Variants in SPATA9 observed in about 807,000 individuals in gnomAD.
SPATA9 encodes the protein spermatogenesis associated 9.
Under a neutral mutation model 25.5 loss-of-function variants are expected in SPATA9, and 27 were observed. The observed-to-expected ratio is 1.06, with a 90% confidence interval of 0.78 to 1.46. SPATA9 has a LOEUF of 1.46. Among genes scored for constraint, SPATA9 ranks in the 40% most tolerant of loss-of-function variants. The pLI, the probability that SPATA9 is intolerant of heterozygous loss-of-function variation, is 0.00. For missense variants in SPATA9, 282 were observed against 297.5 expected (o/e 0.95, Z 0.38); for synonymous variants, 102 against 105.7 (o/e 0.97, Z 0.21).
chr5:95,711,216 A>AT, the SPATA9 span, among the ~76,000 whole-genome samples: 1 of 152,132 alleles, frequency 6.6e-6, no homozygotes, highest in African/African-American at 2.4e-5. Flanking sequence ...GGTAGAGGAA[A>AT]AGACCTTCTC....
the SPATA9 span, among the ~76,000 whole-genome samples, chr5:95,710,062 G>A: frequency 6.6e-6 from 1 of 152,266 alleles, no homozygotes; most frequent in Non-Finnish European, 1.5e-5. Context: ...GCCTGAGTGA[G>A]GGCCATCAAT....
intron 1 of SPATA9, among the ~76,000 whole-genome samples, chr5:95,693,409 T>C (rs539565867): frequency 2.0e-5 from 3 of 152,360 alleles, no homozygotes; most frequent in African/African-American, 7.2e-5. Context: ...TGAATTATAA[T>C]TATATGCAAC....
chr5:95,657,139 C>A (rs958768241), downstream of SPATA9: 1 of 152,048 alleles, frequency 6.6e-6, no homozygotes, highest in Admixed American at 6.6e-5. Flanking sequence ...TTTTTAAAAA[C>A]GTTTTAGAAC....
chr5:95,709,761 T>C, the SPATA9 span, among the ~76,000 whole-genome samples: 1 of 152,216 alleles, frequency 6.6e-6, no homozygotes, highest in Non-Finnish European at 1.5e-5. Context: ...GTGGTTTTAC[T>C]TCTGTAAAGT....
At chr5:95,717,377 C>T in the SPATA9 span, among the ~76,000 whole-genome samples, 1 of 152,134 alleles carries the variant, frequency 6.6e-6, no homozygotes, top group Non-Finnish European at 1.5e-5. Context: ...GTCTCTCTCT[C>T]AATATATAGA....
At chr5:95,718,465 G>T in the SPATA9 span, among the ~76,000 whole-genome samples, 1 of 152,198 alleles carries the variant, frequency 6.6e-6, no homozygotes, top group African/African-American at 2.4e-5. Context: ...GAAGCTGAGG[G>T]AAGTTCCCCA....
intron 1 of SPATA9, among the ~76,000 whole-genome samples, chr5:95,698,413 C>T (rs1016007253): frequency 1.3e-5 from 2 of 152,142 alleles, no homozygotes; most frequent in Non-Finnish European, 2.9e-5. Context: ...TCTGAAGGGG[C>T]AGTGTCAGGC....
intron 4 of SPATA9, among the ~76,000 whole-genome samples, chr5:95,663,492 G>GT (rs926340214): frequency 1.3e-5 from 2 of 152,004 alleles, no homozygotes; most frequent in Non-Finnish European, 2.9e-5. Flanking sequence ...GTGTGTTACA[G>GT]TTTTTTTAAG....
In SPATA9 at chr5:95,688,935, C is replaced by T. The variant is rs891486840; in HGVS notation, n.124+9653G>A. Among the ~76,000 whole-genome samples, 164 of 152,198 alleles carry T rather than the reference C, an allele frequency of 1.1e-3. 1 individual carries two copies. The highest frequency in any genetic ancestry group is 3.7e-3 in the African/African-American group (154 of 41,514). Reference sequence around the variant, plus strand: ...ATCTATTAGTTACATCTCAGCCAAGCTGAAAAATTTTATCATTAAAAAATT... The same window carrying T: ...ATCTATTAGTTACATCTCAGCCAAGTTGAAAAATTTTATCATTAAAAAATT... On this transcript the variant is annotated intron_variant and non_coding_transcript_variant, in intron 1 of 2. Coordinates refer to the SPATA9 transcript ENST00000379990.
At position 95,682,516 on chromosome 5, in the gene SPATA9, A is replaced by T. The variant is rs1432951832; in HGVS notation, c.150+12T>A. On this transcript the variant is annotated intron_variant, in intron 2 of 4. Transcript: ENST00000274432. ...TTTTCTATTCCTTTTAAAGGTTATA[A>T]AATCACATTACCTGATTAGACTGTG... The T allele has an allele frequency of 1.9e-6, 3 of 1,549,684 alleles. No homozygotes were observed. In the African/African-American group the frequency reaches 4.1e-5, roughly 21 times the overall value.
the SPATA9 span, among the ~76,000 whole-genome samples, chr5:95,707,896 TG>T: frequency 6.6e-6 from 1 of 152,200 alleles, no homozygotes; most frequent in South Asian, 2.1e-4. Flanking sequence ...ATTCCCCACT[TG>T]TGTTTTTGGG....
downstream of SPATA9, chr5:95,654,066 A>G: frequency 1.2e-6 from 2 of 1,607,490 alleles, no homozygotes; most frequent in South Asian, 2.2e-5. Context: ...ACTAGCATGA[A>G]TCTTGATGGC....
downstream of SPATA9, chr5:95,656,078 CT>C (rs1750739310): frequency 6.2e-7 from 1 of 1,613,462 alleles, no homozygotes; most frequent in Non-Finnish European, 8.5e-7. Context: ...TAGTTTGCCC[CT>C]GGCATAAATA....
At chr5:95,660,910 T>C (rs1004221011) in intron 4 of SPATA9, among the ~76,000 whole-genome samples, 3 of 152,152 alleles carry the variant, frequency 2.0e-5, no homozygotes, top group South Asian at 2.1e-4. Flanking sequence ...ATCCTAATAT[T>C]TAAAAATTAA....
chr5:95,675,779 C>A (rs1383500562), intron 2 of SPATA9, 140 bp from the exon 3 acceptor site: 2 of 629,076 alleles, frequency 3.2e-6, no homozygotes, highest in East Asian at 5.9e-5. Context: ...ATTTCTGTCC[C>A]CCCATGAAAC....
the SPATA9 span, among the ~76,000 whole-genome samples, chr5:95,721,944 A>C: frequency 6.6e-6 from 1 of 151,478 alleles, no homozygotes. Flanking sequence ...AATCTCTAAG[A>C]AAATTTTGAT....
chr5:95,701,019 A>G (rs952326674), upstream of SPATA9, among the ~76,000 whole-genome samples: 2 of 152,254 alleles, frequency 1.3e-5, no homozygotes, highest in East Asian at 3.8e-4. Context: ...ATGTTCAAAC[A>G]TTATAGCAAA....
rs1754087681 is a variant in SPATA9, at chr5:95,698,273, T to C, written n.124+315A>G. Among the ~76,000 whole-genome samples the C allele has an allele frequency of 3.3e-5, 5 of 151,702 alleles. No individual in the cohort carries two copies. The South Asian group carries it at 1.0e-3, about 32-fold the overall frequency. On this transcript the variant is annotated intron_variant and non_coding_transcript_variant, in intron 1 of 2. Coordinates refer to the SPATA9 transcript ENST00000379990. Reference sequence around the variant, plus strand: ...GTGGGAGAGGAAAATAAGCAGACAGTGGGGCTGGAATGAAATGAGCATGTT... The same window carrying C: ...GTGGGAGAGGAAAATAAGCAGACAGCGGGGCTGGAATGAAATGAGCATGTT...
chr5:95,708,360 TG>T, the SPATA9 span, among the ~76,000 whole-genome samples: 1 of 152,180 alleles, frequency 6.6e-6, no homozygotes, highest in East Asian at 1.9e-4. Context: ...TCCTGGGATA[TG>T]AAATCTTAAT....
Sources: allele counts gnomAD v4.1 joint callset (sites outside exome capture counted in the v4.1 genomes callset), GRCh38; gene constraint gnomAD v4.1.1; transcripts MANE v1.5; gene names NCBI Gene and HGNC (gene_info 2026-07-23, HGNC 2026-07-21).